Variants in EPB41L4A observed in about 807,000 individuals in gnomAD.
EPB41L4A encodes erythrocyte membrane protein band 4.1 like 4A, also known as band 4.1-like protein 4A.
EPB41L4A carries 100 observed loss-of-function variants against 108.6 expected under a neutral mutation model. The observed-to-expected ratio is 0.92, with a 90% CI of 0.78 to 1.09. EPB41L4A has a LOEUF of 1.09. Ranked by LOEUF, EPB41L4A falls within the 50% of genes least tolerant of loss-of-function variation. The pLI is 0.00. For synonymous variants in EPB41L4A, 319 were observed against 289.0 expected (o/e 1.10, Z -1.05); for missense variants, 1,030 against 842.7 (o/e 1.22, Z -2.75).
chr5:112,277,297 C>G (rs2140623), intron 3 of EPB41L4A, among the ~76,000 whole-genome samples: 1 of 152,086 alleles, frequency 6.6e-6, no homozygotes, highest in Non-Finnish European at 1.5e-5. Flanking sequence ...ACAGATTACA[C>G]CCTATTCACC....
At chr5:112,359,625 C>T (rs1002814527) in intron 1 of EPB41L4A, among the ~76,000 whole-genome samples, 6 of 151,844 alleles carry the variant, frequency 4.0e-5, no homozygotes, top group African/African-American at 7.3e-5. Flanking sequence ...ACTGCCAGCT[C>T]CGCCTCCCGG....
chr5:112,260,902 G>T (rs1217368700), intron 7 of EPB41L4A, among the ~76,000 whole-genome samples: 1 of 152,144 alleles, frequency 6.6e-6, no homozygotes, highest in African/African-American at 2.4e-5. Flanking sequence ...AATCTTAAAG[G>T]AATGCACTGA....
At chr5:112,313,320 G>A (rs138908633) in intron 1 of EPB41L4A, among the ~76,000 whole-genome samples, 10,059 of 152,254 alleles carry the variant, frequency 0.066, 440 homozygotes, top group Middle Eastern at 0.12. Context: ...GGGTGGGCGC[G>A]GTGGCTCACG....
At chr5:112,325,461 G>T (rs528365379) in intron 1 of EPB41L4A, among the ~76,000 whole-genome samples, 1 of 151,674 alleles carries the variant, frequency 6.6e-6, no homozygotes, top group South Asian at 2.1e-4. Flanking sequence ...AAAAAAAAAG[G>T]GAGAGTCAGA....
chr5:112,410,779 G>A (rs528825358), intron 1 of EPB41L4A, among the ~76,000 whole-genome samples: 120 of 152,258 alleles, frequency 7.9e-4, no homozygotes, highest in African/African-American at 2.9e-3. Context: ...AGACTCAAGG[G>A]AAGTCTGCTG....
intron 1 of EPB41L4A, among the ~76,000 whole-genome samples, chr5:112,308,229 T>C (rs1754819939): frequency 6.6e-6 from 1 of 152,166 alleles, no homozygotes; most frequent in Admixed American, 6.5e-5. Context: ...TACAGCCTCT[T>C]CCTTTCTCTC....
chr5:112,348,935 T>C (rs1757861335), intron 1 of EPB41L4A, among the ~76,000 whole-genome samples: 1 of 152,132 alleles, frequency 6.6e-6, no homozygotes, highest in South Asian at 2.1e-4. Flanking sequence ...AGGGTTCAAA[T>C]CATCAAGGGC....
At chr5:112,350,519 A>G (rs542016686) in intron 1 of EPB41L4A, among the ~76,000 whole-genome samples, 48 of 152,354 alleles carry the variant, frequency 3.2e-4, no homozygotes, top group African/African-American at 1.1e-3. Context: ...TGAAATATAC[A>G]GCACAATTGT....
chr5:112,270,626 C>T (rs1321113239), intron 4 of EPB41L4A, among the ~76,000 whole-genome samples: 1 of 152,088 alleles, frequency 6.6e-6, no homozygotes. Flanking sequence ...TTCACAAAGT[C>T]CTTTCGCTTC....
Position 112,342,205 on chromosome 5 carries a change from A to C in EPB41L4A, c.100-34715T>G, listed in dbSNP as rs1038554644. ...GGTAATGAAGAGAAATACTATACAC[A>C]ACATGTATGATCAGACAACCATGAT... is the stretch of plus-strand genomic sequence containing the variant. On this transcript the variant is annotated intron_variant, in intron 1 of 22. Coordinates refer to ENST00000261486, the MANE Select transcript of EPB41L4A (RefSeq NM_022140.5). 2.0e-5 allele frequency among the ~76,000 whole-genome samples: 3 copies of C among 152,228 alleles called. No individual in the cohort carries two copies. In the East Asian group the frequency reaches 5.8e-4, roughly 29 times the overall value.
intron 1 of EPB41L4A, among the ~76,000 whole-genome samples, chr5:112,400,843 T>G (rs1212351918): frequency 6.6e-6 from 1 of 151,938 alleles, no homozygotes; most frequent in African/African-American, 2.4e-5. Flanking sequence ...TGAACACCAC[T>G]GGGTGTTAGA....
intron 1 of EPB41L4A, among the ~76,000 whole-genome samples, chr5:112,368,784 A>G (rs1348089795): frequency 6.6e-6 from 1 of 151,798 alleles, no homozygotes; most frequent in East Asian, 1.9e-4. Flanking sequence ...GAGCTCTCTC[A>G]CCTTTCCTGC....
intron 13 of EPB41L4A, among the ~76,000 whole-genome samples, chr5:112,208,304 T>A (rs1320871888): frequency 6.9e-6 from 1 of 144,624 alleles, no homozygotes. Context: ...CTATTCACAA[T>A]AGCAAGGACA....
chr5:112,184,405 C>T (rs4958006), intron 17 of EPB41L4A, among the ~76,000 whole-genome samples: 36,196 of 152,042 alleles, frequency 0.24, 4,353 homozygotes, highest in East Asian at 0.3. Context: ...GTATCAAAAA[C>T]TTATTTTAAA....
intron 3 of EPB41L4A, among the ~76,000 whole-genome samples, chr5:112,276,533 A>C (rs1752640111): frequency 6.6e-6 from 1 of 152,334 alleles, no homozygotes; most frequent in Non-Finnish European, 1.5e-5. Context: ...CTGGTATACC[A>C]ATTAGTGGTT....
intron 12 of EPB41L4A, among the ~76,000 whole-genome samples, chr5:112,154,777 C>T (rs912877301): frequency 2.6e-5 from 4 of 152,016 alleles, no homozygotes; most frequent in African/African-American, 9.7e-5. Context: ...ATAAATTGTG[C>T]TAACAGAAAA....
At chr5:112,160,124 T>C (rs1389164095), downstream of EPB41L4A, among the ~76,000 whole-genome samples, 1 of 152,082 alleles carries the variant, frequency 6.6e-6, no homozygotes, top group Non-Finnish European at 1.5e-5. Context: ...TTGGCCAGGC[T>C]GGTCTTGAAC....
chr5:112,339,267 T>A (rs1757111116), intron 1 of EPB41L4A, among the ~76,000 whole-genome samples: 1 of 151,976 alleles, frequency 6.6e-6, no homozygotes, highest in Non-Finnish European at 1.5e-5. Flanking sequence ...AAAATAACAG[T>A]GTCAGGCTCC....
At chr5:112,331,741 A>C (rs1756584687) in intron 1 of EPB41L4A, among the ~76,000 whole-genome samples, 1 of 152,208 alleles carries the variant, frequency 6.6e-6, no homozygotes, top group African/African-American at 2.4e-5. Context: ...TTGGGAGGCA[A>C]GGGCCCTCGG....
Sources: allele counts gnomAD v4.1 joint callset (sites outside exome capture counted in the v4.1 genomes callset), GRCh38; gene constraint gnomAD v4.1.1; transcripts MANE v1.5; gene names NCBI Gene and HGNC (gene_info 2026-07-23, HGNC 2026-07-21).